Variants in PALS2 observed in about 807,000 individuals in gnomAD.
PALS2 encodes the protein protein associated with LIN7 2, MAGUK p55 family member, also known as protein PALS2.
A neutral mutation model predicts 61.6 loss-of-function variants in PALS2; 27 were observed. The observed-to-expected ratio is 0.44, with a 90% CI of 0.32 to 0.60. The LOEUF (loss-of-function observed/expected upper bound fraction) is 0.60. Among genes scored for constraint, PALS2 ranks in the 20% least tolerant of loss-of-function variants. PALS2 has a pLI of 0.05. For missense variants in PALS2, 554 were observed against 639.4 expected (o/e 0.87, Z 1.44); for synonymous variants, 236 against 218.6 (o/e 1.08, Z -0.70).
At chr7:24,676,900 G>T (rs546143153) in intron 9 of PALS2, among the ~76,000 whole-genome samples, 2 of 150,900 alleles carry the variant, frequency 1.3e-5, no homozygotes, top group East Asian at 3.8e-4. Flanking sequence ...TAGTTTTTTC[G>T]AATTCTGTGA....
chr7:24,672,050 A>G (rs189183935), intron 9 of PALS2, among the ~76,000 whole-genome samples: 3 of 150,644 alleles, frequency 2.0e-5, no homozygotes, highest in African/African-American at 7.3e-5. Context: ...AAATTATAAG[A>G]TAAGCTTCCA....
rs574875188 is a variant in PALS2 at position 24,687,149 on chromosome 7, T to G, written c.1447-289T>G. Among the ~76,000 whole-genome samples the G allele has an allele frequency of 1.9e-4, 29 of 152,346 alleles. No homozygotes were observed. The South Asian group carries it at 6.0e-3, about 32-fold the overall frequency. ...CAGTAATTGTTTTGTTACTGTAGATTCATTCCAAGATTATTTTCAGCAGTC... is the reference window on the plus strand; with the variant it reads ...CAGTAATTGTTTTGTTACTGTAGATGCATTCCAAGATTATTTTCAGCAGTC... On this transcript the variant is annotated intron_variant, in intron 11 of 11. Coordinates refer to ENST00000222644, the MANE Select transcript of PALS2 (RefSeq NM_001303037.2). This position sits in a 1 kb window ranked among gnomAD's most constrained non-coding sequence, Gnocchi z 4.5.
chr7:24,619,453 C>T (rs377510176), intron 1 of PALS2, among the ~76,000 whole-genome samples: 12 of 151,992 alleles, frequency 7.9e-5, no homozygotes. Flanking sequence ...CGCGGTAGCT[C>T]ACGCCTGTAA....
At chr7:24,625,446 T>A (rs1784700501) in intron 2 of PALS2, among the ~76,000 whole-genome samples, 1 of 152,248 alleles carries the variant, frequency 6.6e-6, no homozygotes, top group Non-Finnish European at 1.5e-5. Flanking sequence ...CTGTTTTATC[T>A]TTCAACAACT....
intron 2 of PALS2, among the ~76,000 whole-genome samples, chr7:24,626,097 T>C (rs1456963957): frequency 2.6e-5 from 4 of 152,128 alleles, no homozygotes; most frequent in Non-Finnish European, 5.9e-5. Context: ...AAATAACTTA[T>C]TAATGTACTT....
At chr7:24,609,963 A>G (rs1784055512) in intron 1 of PALS2, among the ~76,000 whole-genome samples, 1 of 152,244 alleles carries the variant, frequency 6.6e-6, no homozygotes, top group Middle Eastern at 3.4e-3. Flanking sequence ...TTAAATACTG[A>G]TCATAAATTC....
chr7:24,607,757 G>A (rs1409344287), intron 1 of PALS2, among the ~76,000 whole-genome samples: 1 of 151,866 alleles, frequency 6.6e-6, no homozygotes, highest in Non-Finnish European at 1.5e-5. Context: ...CAGCCTGTAT[G>A]TCTTTCAGTA....
At chr7:24,657,202 T>C (rs1480781594) in intron 5 of PALS2, among the ~76,000 whole-genome samples, 1 of 152,238 alleles carries the variant, frequency 6.6e-6, no homozygotes, top group Non-Finnish European at 1.5e-5. Context: ...TATGGACATT[T>C]ACATGTAAGT....
intron 2 of PALS2, among the ~76,000 whole-genome samples, chr7:24,638,190 C>G (rs910776954): frequency 6.6e-6 from 1 of 151,762 alleles, no homozygotes; most frequent in African/African-American, 2.4e-5. Context: ...TAAATGTGGA[C>G]CTGCATTTGC....
intron 3 of PALS2, among the ~76,000 whole-genome samples, chr7:24,643,511 T>G (rs1456157600): frequency 6.6e-6 from 1 of 152,166 alleles, no homozygotes; most frequent in Non-Finnish European, 1.5e-5. Context: ...AAGTTATTGA[T>G]TTCTAATTTT....
chr7:24,676,651 G>T (rs1037062098), intron 9 of PALS2, among the ~76,000 whole-genome samples: 3 of 151,812 alleles, frequency 2.0e-5, no homozygotes, highest in Admixed American at 1.3e-4. Flanking sequence ...CCCATTGCTT[G>T]TTTTTCTCAG....
chr7:24,638,276 C>T (rs895636887), intron 2 of PALS2, among the ~76,000 whole-genome samples: 1 of 148,758 alleles, frequency 6.7e-6, no homozygotes, highest in Non-Finnish European at 1.5e-5. Flanking sequence ...TTTATAGCTA[C>T]AGTTTCTAAA....
At chr7:24,665,773 A>G in intron 7 of PALS2, 86 bp downstream of exon 7, 1 of 1,232,106 alleles carries the variant, frequency 8.1e-7, no homozygotes, top group South Asian at 1.3e-5. Flanking sequence ...AAATGCATTT[A>G]TTTAAAATAT....
In PALS2 at chr7:24,685,049, C is replaced by T. The variant is rs529945147; in HGVS notation, c.1447-2389C>T. Reference sequence around the variant, plus strand: ...CGTGGTGGTTTGCCGCACAGATCAACCCATCATCTAGGTATTTAGCCCAAC... The same window carrying T: ...CGTGGTGGTTTGCCGCACAGATCAATCCATCATCTAGGTATTTAGCCCAAC... On this transcript the variant is annotated intron_variant, in intron 11 of 11. Coordinates refer to ENST00000222644, the MANE Select transcript of PALS2 (RefSeq NM_001303037.2). 2.0e-5 allele frequency among the ~76,000 whole-genome samples: 3 copies of T among 152,066 alleles called. No homozygotes were observed. In the South Asian group the frequency reaches 6.2e-4, roughly 32 times the overall value.
Position 24,679,134 on chromosome 7 carries a change from C to G in PALS2, c.1118C>G (p.Thr373Ser). ...ATCTCAACACTATTTTATTTAGTTA[C>G]TTCACGGAAACCAAGGGAAGATGAA... is the stretch of plus-strand genomic sequence containing the variant. ...PTRFGTTVPF[T>S]SRKPREDEKD... Residue 373 changes from threonine to serine, a missense_variant, in exon 10 of 12, where the codon ACT (threonine) becomes AGT (serine). Physicochemically the swap from Thr to Ser is moderately conservative, Grantham distance 58. Coordinates refer to ENST00000222644, the MANE Select transcript of PALS2 (RefSeq NM_001303037.2). 6.2e-7 allele frequency: 1 copy of G among 1,613,270 alleles called. No individual in the cohort carries two copies. Among genetic ancestry groups the G allele is most frequent in the Non-Finnish European group, 8.5e-7 (1 of 1,179,316 alleles).
At chr7:24,617,188 T>A (rs968909028) in intron 1 of PALS2, among the ~76,000 whole-genome samples, 1 of 152,170 alleles carries the variant, frequency 6.6e-6, no homozygotes, top group Non-Finnish European at 1.5e-5. Flanking sequence ...TTCATTGTAT[T>A]TTCTTCTAAT....
rs149132230 is a variant in PALS2, at chr7:24,671,279, A to G, written c.1114+2619A>G. Among the ~76,000 whole-genome samples the G allele has an allele frequency of 3.3e-3, 497 of 152,300 alleles. 1 individual carries two copies. The Middle Eastern group carries it at 0.041, about 13-fold the overall frequency. On this transcript the variant is annotated intron_variant, in intron 9 of 11. Transcript: ENST00000222644. ...ATTTGCATTTCCCTAATGTCTGATCATGTCAAACAACTTTTCATGTACATA... is the reference window on the plus strand; with the variant it reads ...ATTTGCATTTCCCTAATGTCTGATCGTGTCAAACAACTTTTCATGTACATA...
intron 1 of PALS2, among the ~76,000 whole-genome samples, chr7:24,611,568 C>CTTAT (rs1228500099): frequency 6.6e-6 from 1 of 151,606 alleles, no homozygotes; most frequent in Non-Finnish European, 1.5e-5. Context: ...ACTCATAAAA[C>CTTAT]TTAGAGTTTA....
chr7:24,586,847 G>C (rs1344074145), intron 1 of PALS2, among the ~76,000 whole-genome samples: 2 of 152,078 alleles, frequency 1.3e-5, no homozygotes, highest in Admixed American at 1.3e-4. Flanking sequence ...GAGAGTAAAA[G>C]ATAAATATAA....
Sources: allele counts gnomAD v4.1 joint callset (sites outside exome capture counted in the v4.1 genomes callset), GRCh38; gene constraint gnomAD v4.1.1; non-coding constraint Gnocchi (gnomAD v3.1); transcripts MANE v1.5; gene names NCBI Gene and HGNC (gene_info 2026-07-23, HGNC 2026-07-21).